The following FGF13 variants were observed in gnomAD, a reference collection of about 807,000 sequenced individuals.
FGF13 encodes fibroblast growth factor homologous factor 2.
FGF13 carries 2 observed loss-of-function variants against 19.5 expected under a neutral mutation model. The ratio of observed to expected loss-of-function variants is 0.10; its 90% CI spans 0.04 to 0.32. The LOEUF (loss-of-function observed/expected upper bound fraction) is 0.32. FGF13 is among the 10% of genes least tolerant of loss of function. FGF13 has a pLI of 1.00. For missense variants in FGF13, 113 were observed against 192.7 expected, an observed-to-expected ratio of 0.59 and a Z score of 2.45; for synonymous variants, 72 against 76.9, an observed-to-expected ratio of 0.94 and a Z score of 0.33.
At chrX:138,698,173 A>AG (rs961377345) in intron 3 of FGF13, among the ~76,000 whole-genome samples, 2 of 110,446 alleles carry the variant, frequency 1.8e-5, no homozygotes, top group African/African-American at 6.6e-5. Flanking sequence ...CGGGGAAGGG[A>AG]GGGTGCAGTG....
chrX:139,002,765 C>T (rs975053095), intron 1 of FGF13, among the ~76,000 whole-genome samples: 1 of 111,409 alleles, frequency 9.0e-6, no homozygotes, highest in African/African-American at 3.3e-5. Context: ...CATTTCTAGA[C>T]ACACCCTGGG....
At chrX:138,680,557 G>A (rs759856522) in intron 3 of FGF13, among the ~76,000 whole-genome samples, 4 of 111,796 alleles carry the variant, frequency 3.6e-5, no homozygotes, top group Non-Finnish European at 7.5e-5. Flanking sequence ...TCATCAAGCA[G>A]TAATATTTTG....
At chrX:138,733,296 T>A (rs2090246877) in intron 1 of FGF13, among the ~76,000 whole-genome samples, 1 of 111,917 alleles carries the variant, frequency 8.9e-6, no homozygotes, top group African/African-American at 3.2e-5. Flanking sequence ...TATGTATTCA[T>A]GTAAAAATGT....
At chrX:138,937,366 T>C (rs1177373668) in intron 1 of FGF13, among the ~76,000 whole-genome samples, 1 of 111,848 alleles carries the variant, frequency 8.9e-6, no homozygotes, top group African/African-American at 3.3e-5. Context: ...TGAACCCTCA[T>C]CTGTACTCAT....
chrX:138,981,318 T>TACACACACACACACAC (rs57954256), intron 1 of FGF13, among the ~76,000 whole-genome samples: 5 of 97,014 alleles, frequency 5.2e-5, no homozygotes, highest in African/African-American at 1.9e-4. Flanking sequence ...ATTGTGTGCT[T>TACACACACACACACAC]ACACACACAC....
At chrX:138,923,517 C>T (rs1008119894) in intron 1 of FGF13, among the ~76,000 whole-genome samples, 4 of 112,204 alleles carry the variant, frequency 3.6e-5, no homozygotes, top group Admixed American at 9.4e-5. Context: ...AGCTACACTG[C>T]GTGAAACAGT....
At chrX:138,721,294 GGTAATGCCA>G (rs1322143676) in intron 1 of FGF13, among the ~76,000 whole-genome samples, 2 of 111,591 alleles carry the variant, frequency 1.8e-5, no homozygotes, top group East Asian at 5.6e-4. Flanking sequence ...GTCCAAGCCA[GGTAATGCCA>G]GTAATTCATC....
intron 1 of FGF13, among the ~76,000 whole-genome samples, chrX:139,012,512 T>G (rs1347893807): frequency 9.0e-6 from 1 of 111,475 alleles, no homozygotes; most frequent in Non-Finnish European, 1.9e-5. Flanking sequence ...CTAGACCAAT[T>G]GAACAGAAAA....
intron 3 of FGF13, among the ~76,000 whole-genome samples, chrX:138,842,398 T>A (rs1318928749): frequency 1.8e-5 from 2 of 110,448 alleles, no homozygotes; most frequent in African/African-American, 6.6e-5. Flanking sequence ...TTATATAATA[T>A]AAATATATTT....
chrX:139,173,743 T>A (rs1444749467), intron 1 of FGF13, among the ~76,000 whole-genome samples: 2 of 112,029 alleles, frequency 1.8e-5, no homozygotes, highest in Non-Finnish European at 3.8e-5. Flanking sequence ...CATCCTTTTT[T>A]ATGGCTGCAT....
At chrX:138,836,427 C>G (rs1246256525) in intron 3 of FGF13, among the ~76,000 whole-genome samples, 1 of 111,652 alleles carries the variant, frequency 9.0e-6, no homozygotes, top group African/African-American at 3.3e-5. Flanking sequence ...TGTCTTATTT[C>G]AGAAAGCCAG....
chrX:138,942,837 A>G (rs1481885221), intron 1 of FGF13, among the ~76,000 whole-genome samples: 1 of 111,685 alleles, frequency 9.0e-6, no homozygotes, highest in Admixed American at 9.5e-5. Flanking sequence ...GTGTTCTTCA[A>G]GTATCTTGTT....
intron 1 of FGF13, among the ~76,000 whole-genome samples, chrX:138,986,116 A>G (rs977594865): frequency 7.1e-5 from 8 of 112,140 alleles, no homozygotes; most frequent in African/African-American, 2.6e-4. Flanking sequence ...GGAAGTTAAC[A>G]AAGCCAACTA....
At chrX:138,962,475 C>T (rs1408060023) in intron 1 of FGF13, among the ~76,000 whole-genome samples, 1 of 112,058 alleles carries the variant, frequency 8.9e-6, no homozygotes, top group African/African-American at 3.2e-5. Flanking sequence ...CACCATTTGA[C>T]CCAGCCATCC....
chrX:139,024,600 G>T (rs1161061915), intron 1 of FGF13, among the ~76,000 whole-genome samples: 1 of 111,545 alleles, frequency 9.0e-6, no homozygotes, highest in Non-Finnish European at 1.9e-5. Flanking sequence ...AAACATTCTC[G>T]TTGTGTGTTC....
chrX:139,204,254 T>TGCC (rs920292556), upstream of FGF13: 18 of 525,999 alleles, frequency 3.4e-5, no homozygotes, highest in East Asian at 5.2e-4. Flanking sequence ...TCCCCACCGC[T>TGCC]GCCGCCGCCG....
intron 1 of FGF13, among the ~76,000 whole-genome samples, chrX:138,930,139 G>C (rs1162119701): frequency 9.0e-6 from 1 of 111,449 alleles, no homozygotes. Flanking sequence ...CTAGCAGCAA[G>C]TGGCCTGAAA....
chrX:138,804,420 T>C (rs1263725798), intron 3 of FGF13, among the ~76,000 whole-genome samples: 1 of 112,223 alleles, frequency 8.9e-6, no homozygotes, highest in Non-Finnish European at 1.9e-5. Flanking sequence ...ACTGTGCAAT[T>C]CACTGTGCAC....
At chrX:138,746,772 G>A (rs1012494673) in intron 3 of FGF13, among the ~76,000 whole-genome samples, 2 of 112,351 alleles carry the variant, frequency 1.8e-5, no homozygotes, top group African/African-American at 6.5e-5. Context: ...GTAAGAACTC[G>A]AATAATGTAT....
Sources: allele counts gnomAD v4.1 joint callset (sites outside exome capture counted in the v4.1 genomes callset), GRCh38; gene constraint gnomAD v4.1.1; transcripts MANE v1.5; gene names NCBI Gene and HGNC (gene_info 2026-07-23, HGNC 2026-07-21).